Variants in DEUP1 observed in about 807,000 individuals in gnomAD.
The protein encoded by DEUP1 is deuterosome assembly protein 1.
A neutral mutation model predicts 87.4 loss-of-function variants in DEUP1; 82 were observed. That is an observed-to-expected ratio of 0.94 (90% CI 0.78 to 1.13). The LOEUF (loss-of-function observed/expected upper bound fraction) is 1.13, where lower values mean the gene tolerates loss of function less well. Among genes scored for constraint, DEUP1 ranks in the 50% most tolerant of loss-of-function variants. DEUP1 has a pLI of 0.00. For missense variants in DEUP1, 663 were observed against 681.5 expected, an observed-to-expected ratio of 0.97 and a Z score of 0.30; for synonymous variants, 214 against 222.7, an observed-to-expected ratio of 0.96 and a Z score of 0.35.
intron 2 of DEUP1, among the ~76,000 whole-genome samples, chr11:93,337,694 T>A (rs1464106850): frequency 6.6e-6 from 1 of 152,062 alleles, no homozygotes; most frequent in Non-Finnish European, 1.5e-5. Context: ...TGAGTGACTG[T>A]AGGAATTAAA....
intron 11 of DEUP1, among the ~76,000 whole-genome samples, chr11:93,400,914 T>A (rs1442361699): frequency 6.6e-6 from 1 of 152,146 alleles, no homozygotes; most frequent in African/African-American, 2.4e-5. Context: ...TTCACCACTT[T>A]TATTCAACAT....
At position 93,371,128 on chromosome 11, in the gene DEUP1, C is replaced by G. The variant is rs1169111216; in HGVS notation, c.637C>G (p.Pro213Ala). The change falls in exon 7 of 14, where the codon CCA becomes GCA. Residue 213 changes from proline (P) to alanine (A), a missense_variant. By Grantham distance (27) the Pro-to-Ala change is conservative (BLOSUM62 -1). Coordinates refer to ENST00000298050, the MANE Select transcript of DEUP1 (RefSeq NM_181645.4). The stretch of plus-strand genomic sequence containing the variant: ...TGAAATTCCTCGTTTGATATGTGAC[C>G]CAGATCCCAATTGTGAAATCAATGA... Reference protein sequence around the residue: ...SSEIPRLICDPDPNCEINERD... With the variant: ...SSEIPRLICDADPNCEINERD... The G allele has an allele frequency of 1.2e-6, 2 of 1,612,804 alleles. No homozygotes were observed. Among genetic ancestry groups the G allele is most frequent in the Non-Finnish European group, 1.7e-6 (2 of 1,179,452 alleles).
chr11:93,366,116 T>TAA (rs2134248436), intron 5 of DEUP1, among the ~76,000 whole-genome samples: 1 of 152,294 alleles, frequency 6.6e-6, no homozygotes, highest in Non-Finnish European at 1.5e-5. Context: ...ACTGAAGCGT[T>TAA]TAGGGATGAA....
chr11:93,431,236 T>C (rs1359705369), intron 13 of DEUP1, among the ~76,000 whole-genome samples: 2 of 151,998 alleles, frequency 1.3e-5, no homozygotes, highest in African/African-American at 4.8e-5. Flanking sequence ...AAAATTATCA[T>C]TGAGAAAGGG....
At chr11:93,420,754 T>A (rs1947850080) in intron 13 of DEUP1, among the ~76,000 whole-genome samples, 1 of 132,296 alleles carries the variant, frequency 7.6e-6, no homozygotes, top group Non-Finnish European at 1.6e-5. Context: ...TCACAAGCAT[T>A]CTTATACACC....
At chr11:93,399,231 T>C (rs917770515) in intron 11 of DEUP1, among the ~76,000 whole-genome samples, 6 of 151,868 alleles carry the variant, frequency 4.0e-5, no homozygotes, top group Non-Finnish European at 7.4e-5. Context: ...TTTCAAAGAT[T>C]ATTATATCTT....
At chr11:93,394,021 C>T (rs952402584) in intron 9 of DEUP1, among the ~76,000 whole-genome samples, 1 of 152,160 alleles carries the variant, frequency 6.6e-6, no homozygotes, top group Non-Finnish European at 1.5e-5. Flanking sequence ...ACAGTACAGC[C>T]TATTTTAGTT....
chr11:93,432,591 A>C (rs1948136946), intron 13 of DEUP1, among the ~76,000 whole-genome samples: 1 of 152,150 alleles, frequency 6.6e-6, no homozygotes, highest in Non-Finnish European at 1.5e-5. Flanking sequence ...GGCCAGCTTA[A>C]TTAGGGGTGG....
At chr11:93,339,623 A>G (rs1295021974) in intron 2 of DEUP1, among the ~76,000 whole-genome samples, 1 of 152,208 alleles carries the variant, frequency 6.6e-6, no homozygotes, top group African/African-American at 2.4e-5. Context: ...GGAATATCCA[A>G]ATCTTGCCTC....
intron 11 of DEUP1, among the ~76,000 whole-genome samples, chr11:93,406,210 C>G (rs1186424013): frequency 4.6e-5 from 7 of 151,854 alleles, no homozygotes; most frequent in African/African-American, 7.2e-5. Context: ...TGAGGACACA[C>G]TAAAATTGAG....
chr11:93,403,583 A>G (rs1947185141), intron 11 of DEUP1, among the ~76,000 whole-genome samples: 1 of 151,530 alleles, frequency 6.6e-6, no homozygotes. Flanking sequence ...TTTTTGTCTT[A>G]ACTCTGACTC....
At chr11:93,338,390 A>T (rs1454821582) in intron 2 of DEUP1, among the ~76,000 whole-genome samples, 1 of 151,090 alleles carries the variant, frequency 6.6e-6, no homozygotes, top group Non-Finnish European at 1.5e-5. Context: ...GACATAGGGT[A>T]ATTATGCAGT....
intron 11 of DEUP1, among the ~76,000 whole-genome samples, chr11:93,406,009 CTG>C (rs1391623866): frequency 6.6e-6 from 1 of 151,940 alleles, no homozygotes; most frequent in Admixed American, 6.6e-5. Context: ...GTAGAAAGAA[CTG>C]TGTAAAATCA....
At chr11:93,413,081 A>G (rs567747102) in intron 12 of DEUP1, among the ~76,000 whole-genome samples, 2 of 152,320 alleles carry the variant, frequency 1.3e-5, no homozygotes, top group East Asian at 3.9e-4. Context: ...TAGTCTTTGG[A>G]TAAGACCAGA....
chr11:93,406,744 TA>T lies in DEUP1; in HGVS notation c.1327-1479del, dbSNP rs899657722. On this transcript the variant is annotated intron_variant, in intron 11 of 13. Transcript: ENST00000298050. ...TAACTTAGGATTAGTACACCTAATG[TA>T]AAAAAAATTCCTTCAAATTAGTAAG... Among the ~76,000 whole-genome samples the T allele has an allele frequency of 2.6e-5, 4 of 151,570 alleles. 1 individual carries two copies. Among genetic ancestry groups the T allele is most frequent in the Admixed American group, 1.3e-4 (2 of 15,182 alleles).
At chr11:93,431,791 T>A (rs2605583) in intron 13 of DEUP1, among the ~76,000 whole-genome samples, 126,863 of 152,120 alleles carry the variant, frequency 0.83, 53,027 homozygotes, top group East Asian at 0.91. Context: ...AATGAATTGT[T>A]TATGGGAAGT....
intron 2 of DEUP1, among the ~76,000 whole-genome samples, chr11:93,347,570 G>C (rs1363806324): frequency 6.6e-6 from 1 of 152,150 alleles, no homozygotes; most frequent in East Asian, 1.9e-4. Flanking sequence ...CAATTTTTTG[G>C]AATAGTTTCA....
chr11:93,412,010 G>C (rs138233679), intron 12 of DEUP1, among the ~76,000 whole-genome samples: 3,346 of 152,260 alleles, frequency 0.022, 60 homozygotes, highest in Non-Finnish European at 0.035. Flanking sequence ...GCAAAACATA[G>C]GTTGACAGTT....
At position 93,380,034 on chromosome 11, in the gene DEUP1, G is replaced by A. The variant is rs956769974; in HGVS notation, c.790-5364G>A. On this transcript the variant is annotated intron_variant, in intron 7 of 13. Coordinates refer to ENST00000298050, the MANE Select transcript of DEUP1 (RefSeq NM_181645.4). Reference sequence around the variant, plus strand: ...ATACTGCAGTGATTTTTCCTTCCACGTGATATTTGGCAATGCCTGGATACA... The same window carrying A: ...ATACTGCAGTGATTTTTCCTTCCACATGATATTTGGCAATGCCTGGATACA... Among the ~76,000 whole-genome samples, 5 of 152,030 alleles carry A rather than the reference G, an allele frequency of 3.3e-5. No homozygotes were observed. In the East Asian group the frequency reaches 5.8e-4, roughly 18 times the overall value.
Sources: allele counts gnomAD v4.1 joint callset (sites outside exome capture counted in the v4.1 genomes callset), GRCh38; gene constraint gnomAD v4.1.1; transcripts MANE v1.5; gene names NCBI Gene and HGNC (gene_info 2026-07-23, HGNC 2026-07-21).